Variants in PCYT1B observed in about 807,000 individuals in gnomAD.
PCYT1B encodes phosphate cytidylyltransferase 1B, choline.
A neutral mutation model predicts 26.4 loss-of-function variants in PCYT1B; 10 were observed. The observed-to-expected ratio is 0.38, with a 90% CI of 0.23 to 0.64. The LOEUF (loss-of-function observed/expected upper bound fraction) is 0.64. Among genes scored for constraint, PCYT1B ranks in the 30% least tolerant of loss-of-function variants. The pLI, the probability that PCYT1B is intolerant of heterozygous loss-of-function variation, is 0.56. For synonymous variants in PCYT1B, 131 were observed against 108.4 expected (o/e 1.21, Z -1.29); for missense variants, 161 against 292.7 (o/e 0.55, Z 3.28).
chrX:24,624,118 C>A (rs187477369), intron 1 of PCYT1B, among the ~76,000 whole-genome samples: 3 of 109,662 alleles, frequency 2.7e-5, no homozygotes, highest in Non-Finnish European at 3.8e-5. Context: ...TACAGGAGCC[C>A]GCCACCACAC....
At chrX:24,666,252 C>T (rs921951313) in intron 1 of PCYT1B, among the ~76,000 whole-genome samples, 1 of 110,867 alleles carries the variant, frequency 9.0e-6, no homozygotes, top group African/African-American at 3.3e-5. Flanking sequence ...ATTTAAATTC[C>T]TTTCACTCAT....
Position 24,618,965 on chromosome X carries a change from A to G in PCYT1B, c.217+20T>C. The G allele has an allele frequency of 9.6e-7, 1 of 1,037,103 alleles. No homozygotes were observed. Among genetic ancestry groups the G allele is most frequent in the Non-Finnish European group, 1.3e-6 (1 of 774,566 alleles). 85.5% of individuals were successfully genotyped at this position (1,037,103 alleles called of 1,213,427 possible). ...AATGTCAAGACAGGGCCCATTTAAG[A>G]CAAAGAAGTACAGCCTCACCTGGTG... On this transcript the variant is annotated intron_variant, in intron 2 of 7. Coordinates refer to ENST00000379144, the MANE Select transcript of PCYT1B (RefSeq NM_004845.5).
At chrX:24,633,980 G>A (rs1239448176) in intron 1 of PCYT1B, among the ~76,000 whole-genome samples, 1 of 111,172 alleles carries the variant, frequency 9.0e-6, no homozygotes, top group East Asian at 2.8e-4. Flanking sequence ...TTGAAGTGCG[G>A]TGGCACCATC....
intron 2 of PCYT1B, among the ~76,000 whole-genome samples, chrX:24,614,278 T>C (rs1925412307): frequency 8.9e-6 from 1 of 112,479 alleles, no homozygotes; most frequent in African/African-American, 3.2e-5. Flanking sequence ...TGTCATTACC[T>C]CTTCTAGAAT....
intron 3 of PCYT1B, among the ~76,000 whole-genome samples, chrX:24,597,578 AC>A (rs2148239864): frequency 8.9e-6 from 1 of 112,292 alleles, no homozygotes; most frequent in Non-Finnish European, 1.9e-5. Flanking sequence ...GAAAGGCACC[AC>A]CCAAACCTTA....
In PCYT1B at chrX:24,559,045, C is replaced by T. The variant is rs1343722931; in HGVS notation, c.*3248G>A. ...AGGGAGCGGAAAATCGGCTGGACGC[C>T]GTGGCTCGTGCTCATAATCCCAGCA... On this transcript the variant is annotated 3_prime_UTR_variant, in exon 8 of 8. Coordinates refer to ENST00000379144, the MANE Select transcript of PCYT1B (RefSeq NM_004845.5). 6.3e-5 allele frequency: 7 copies of T among 111,622 alleles called. No individual in the cohort carries two copies. Among genetic ancestry groups the T allele is most frequent in the Non-Finnish European group, 1.1e-4 (6 of 53,093 alleles). 9.2% of individuals were successfully genotyped at this position (111,622 alleles called of 1,213,427 possible).
intron 1 of PCYT1B, among the ~76,000 whole-genome samples, chrX:24,662,618 G>C (rs1476172144): frequency 8.9e-6 from 1 of 111,802 alleles, no homozygotes; most frequent in Non-Finnish European, 1.9e-5. Context: ...AGGGCTATTT[G>C]CCACTCACCT....
chrX:24,577,397 G>T (rs1221543007), intron 6 of PCYT1B, among the ~76,000 whole-genome samples: 1 of 112,143 alleles, frequency 8.9e-6, no homozygotes, highest in Non-Finnish European at 1.9e-5. Flanking sequence ...GGCTTGACAT[G>T]TTTGGATGGT....
At chrX:24,640,626 T>G (rs1434444983) in intron 1 of PCYT1B, among the ~76,000 whole-genome samples, 5 of 111,593 alleles carry the variant, frequency 4.5e-5, no homozygotes, top group Non-Finnish European at 7.5e-5. Flanking sequence ...AGTGGGATTA[T>G]CCTGAGGCAC....
rs144373257 is a variant in PCYT1B, at chrX:24,602,446, T to A, written c.334+5299A>T. On this transcript the variant is annotated intron_variant, in intron 3 of 7. Transcript: ENST00000379144. ...TCATTATACAATGTACATCTATGAG[T>A]TTGGACAATGTAAAATTTTATCCAA... Among the ~76,000 whole-genome samples, 825 of 111,226 alleles carry A rather than the reference T, an allele frequency of 7.4e-3. 7 individuals carry two copies. The highest frequency in any genetic ancestry group is 0.025 in the African/African-American group (775 of 30,580).
upstream of PCYT1B, among the ~76,000 whole-genome samples, chrX:24,651,454 CAAA>C (rs1188690484): frequency 0.013 from 138 of 10,995 alleles, 4 homozygotes; most frequent in African/African-American, 0.033. Flanking sequence ...GATGCCATCT[CAAA>C]AAAAAAAAAA....
intron 3 of PCYT1B, among the ~76,000 whole-genome samples, chrX:24,597,129 T>C (rs1049099296): frequency 2.0e-5 from 2 of 100,435 alleles, no homozygotes; most frequent in African/African-American, 7.2e-5. Context: ...TTTTCTTTTC[T>C]TTTTTTTTTT....
intron 5 of PCYT1B, among the ~76,000 whole-genome samples, chrX:24,584,811 C>T (rs909479215): frequency 8.9e-6 from 1 of 111,905 alleles, no homozygotes; most frequent in South Asian, 3.8e-4. Context: ...GCTGAGAGTA[C>T]AGGAGGCCGT....
chrX:24,625,283 G>T (rs975617860), intron 1 of PCYT1B, among the ~76,000 whole-genome samples: 3 of 112,112 alleles, frequency 2.7e-5, no homozygotes, highest in Admixed American at 1.9e-4. Context: ...TAATCCAGCA[G>T]CCTCATACTG....
chrX:24,619,938 T>C (rs867414829), intron 1 of PCYT1B, among the ~76,000 whole-genome samples: 1 of 112,847 alleles, frequency 8.9e-6, no homozygotes, highest in Admixed American at 9.3e-5. Context: ...GCGGTGTTTT[T>C]GTAAACAAGG....
intron 5 of PCYT1B, among the ~76,000 whole-genome samples, chrX:24,580,204 A>G (rs2148227899): frequency 8.9e-6 from 1 of 112,575 alleles, no homozygotes; most frequent in African/African-American, 3.2e-5. Flanking sequence ...TAGAAAATGA[A>G]CATTTTGAAA....
intron 1 of PCYT1B, among the ~76,000 whole-genome samples, chrX:24,655,296 T>G (rs963871963): frequency 1.8e-5 from 2 of 112,352 alleles, no homozygotes; most frequent in African/African-American, 3.2e-5. Context: ...AGTAGTTAGA[T>G]TTGCTTTATT....
intron 1 of PCYT1B, chrX:24,632,210 G>A (rs1926116904): frequency 8.9e-6 from 1 of 112,604 alleles, no homozygotes; most frequent in African/African-American, 3.2e-5. Context: ...TGTTGAAGTG[G>A]CTTCTTTCTC....
intron 1 of PCYT1B, among the ~76,000 whole-genome samples, chrX:24,655,781 G>C (rs771749380): frequency 1.9e-5 from 2 of 107,682 alleles, no homozygotes; most frequent in Non-Finnish European, 1.9e-5. Flanking sequence ...GAGACCCTGT[G>C]TCAAAAACAA....
Sources: gnomAD v4.1 joint callset for allele counts (sites outside exome capture counted in the v4.1 genomes callset) on GRCh38, gnomAD v4.1.1 for gene constraint, MANE v1.5 for transcripts, NCBI Gene and HGNC (gene_info 2026-07-23, HGNC 2026-07-21) for gene names.